ADAMTSL5: variants seen among roughly 807,000 people sequenced by gnomAD.
ADAMTSL5 encodes ADAMTS-like protein 5.
In ADAMTSL5, 53 loss-of-function variants were observed where a neutral mutation model predicts 51.7. The ratio of observed to expected loss-of-function variants is 1.03; its 90% confidence interval spans 0.82 to 1.29. ADAMTSL5 has a LOEUF of 1.29. ADAMTSL5 is among the 50% of genes most tolerant of loss of function. ADAMTSL5 has a pLI of 0.00. For synonymous variants in ADAMTSL5, 285 were observed against 278.7 expected, an observed-to-expected ratio of 1.02 and a Z score of -0.23; for missense variants, 770 against 676.2, an observed-to-expected ratio of 1.14 and a Z score of -1.54.
chr19:1,509,648 GGAA>G (rs1265183388), intron 5 of ADAMTSL5, among the ~76,000 whole-genome samples: 3 of 86,918 alleles, frequency 3.5e-5, no homozygotes, highest in African/African-American at 7.8e-5. Context: ...GAGGGAGGGA[GGAA>G]GGAAGGGAAG....
In ADAMTSL5 at chr19:1,507,980, G is replaced by A; in HGVS notation, c.601+18C>T. On this transcript the variant is annotated intron_variant, in intron 7 of 11. Transcript: ENST00000330475. The stretch of plus-strand genomic sequence containing the variant: ...CCCACTCTGACGTGTGTGCAGGGAG[G>A]GCGGGGCAGGTAGTCACCGGCGTCA... 1 of 1,573,680 alleles carries A rather than the reference G, an allele frequency of 6.4e-7. No homozygotes were observed. Among genetic ancestry groups the A allele is most frequent in the Non-Finnish European group, 8.6e-7 (1 of 1,159,620 alleles).
Position 1,511,847 on chromosome 19 carries a change from G to C in ADAMTSL5, c.-217-687C>G, listed in dbSNP as rs180760643. 2,463 of 323,994 alleles carry C rather than the reference G, an allele frequency of 7.6e-3. 138 individuals carry two copies. In the Admixed American group the frequency reaches 0.09, roughly 12 times the overall value. The allele number at this position is 323,994 out of a possible 1,614,324, so 20.1% of individuals were successfully genotyped here. On this transcript the variant is annotated intron_variant, in intron 1 of 11. Transcript: ENST00000330475. The stretch of plus-strand genomic sequence containing the variant: ...CAGACAGCAGGGAGTCCCCCGGATT[G>C]GGGATGGGACAGGGAGGGGGTGACC...
intron 7 of ADAMTSL5, 113 bp downstream of exon 7, chr19:1,507,885 A>T (rs570611962): frequency 2.4e-6 from 3 of 1,235,022 alleles, no homozygotes; most frequent in Non-Finnish European, 3.4e-6. Context: ...GATGAGGAGA[A>T]AGGGGGGCTG....
intron 5 of ADAMTSL5, 136 bp from the exon 6 acceptor site, chr19:1,508,706 G>A (rs1395443620): frequency 1.6e-6 from 2 of 1,278,722 alleles, no homozygotes; most frequent in African/African-American, 3.1e-5. Flanking sequence ...TCGAGGCTGA[G>A]GCAGAGCCAG....
chr19:1,506,465 G>A lies in ADAMTSL5; in HGVS notation c.1114+125C>T. On this transcript the variant is annotated intron_variant, in intron 11 of 11. Coordinates refer to ENST00000330475, the MANE Select transcript of ADAMTSL5 (RefSeq NM_213604.3). The surrounding 1 kb of genome is among the most constrained non-coding windows in gnomAD (Gnocchi z 5.6). The stretch of plus-strand genomic sequence containing the variant: ...AGGATCACGTCAGGGATCAATGAGG[G>A]ATTAGGGTCAAGAGGCAAATTAGGA... 6.9e-7 allele frequency: 1 copy of A among 1,456,282 alleles called. No individual in the cohort carries two copies. Among genetic ancestry groups the A allele is most frequent in the Non-Finnish European group, 9.4e-7 (1 of 1,060,080 alleles). The allele number at this position is 1,456,282 out of a possible 1,614,324, so 90.2% of individuals were successfully genotyped here.
chr19:1,508,184 A>C, intron 6 of ADAMTSL5, 75 bp from the exon 7 acceptor site: 1 of 1,464,006 alleles, frequency 6.8e-7, no homozygotes, highest in African/African-American at 1.4e-5. Context: ...AGTGCCTGGG[A>C]GCAAGAGGAC....
rs1913194752 is a variant in ADAMTSL5, at chr19:1,510,368, T to C, written c.252A>G (p.Pro84=). The C allele has an allele frequency of 6.2e-7, 1 of 1,613,650 alleles. No homozygotes were observed. Among genetic ancestry groups the C allele is most frequent in the East Asian group, 2.2e-5 (1 of 44,888 alleles). The part of the protein sequence containing the change: ...DSHEYRLCQL[P]DCPPGAVPFR... ...GGTCTGGGAGGTGGGCAGGGCTTAC[T>C]GGCAACTGGCAGAGGCGGTACTCAT... The change falls in exon 4 of 12, where the codon CCA becomes CCG. Residue 84 remains proline, a splice_region_variant and synonymous_variant. Coordinates refer to ENST00000330475, the MANE Select transcript of ADAMTSL5 (RefSeq NM_213604.3).
At position 1,506,240 on chromosome 19, in the gene ADAMTSL5, G is replaced by A. The variant is rs1300847587; in HGVS notation, c.1191C>T (p.Tyr397=). ...TRYEVRIQLV[Y]KNRSPLRARE... ...GTGCCCGCAGTGGCGAGCGGTTCTT[G>A]TAGACGAGCTGGATGCGCACCTCAT... Residue 397 remains tyrosine, a synonymous_variant, in exon 12 of 12, where the codon TAC becomes TAT. Transcript: ENST00000330475. The surrounding 1 kb of genome is among the most constrained non-coding windows in gnomAD (Gnocchi z 5.6). 1 of 1,588,776 alleles carries A rather than the reference G, an allele frequency of 6.3e-7. No individual in the cohort carries two copies. Among genetic ancestry groups the A allele is most frequent in the Admixed American group, 1.7e-5 (1 of 57,840 alleles).
Position 1,506,989 on chromosome 19 carries a change from G to A in ADAMTSL5, c.853-61C>T. 2 of 1,469,430 alleles carry A rather than the reference G, an allele frequency of 1.4e-6. No individual in the cohort carries two copies. Among genetic ancestry groups the A allele is most frequent in the Non-Finnish European group, 1.8e-6 (2 of 1,093,400 alleles). 91.0% of individuals were successfully genotyped at this position (1,469,430 alleles called of 1,614,324 possible). On this transcript the variant is annotated intron_variant, in intron 9 of 11. Transcript: ENST00000330475. The surrounding 1 kb of genome is among the most constrained non-coding windows in gnomAD (Gnocchi z 5.6). ...GAGGCTGGGGTTGCCTCCTGCCTCT[G>A]ACCCTACGACCCCAGCCTCCCCACT...
intron 3 of ADAMTSL5, 73 bp downstream of exon 3, chr19:1,510,566 C>A (rs1318726538): frequency 2.7e-6 from 4 of 1,471,864 alleles, no homozygotes; most frequent in African/African-American, 1.4e-5. Context: ...GTGGGCAGGC[C>A]GAGGGTGCGG....
chr19:1,507,904 A>G (rs1267920676), intron 7 of ADAMTSL5, 94 bp downstream of exon 7: 4 of 1,342,486 alleles, frequency 3.0e-6, no homozygotes, highest in Non-Finnish European at 4.1e-6. Context: ...TGGGCCGCAC[A>G]CTGGCCAATC....
intron 6 of ADAMTSL5, 101 bp from the exon 7 acceptor site, chr19:1,508,210 G>C: frequency 7.4e-7 from 1 of 1,347,780 alleles, no homozygotes; most frequent in Non-Finnish European, 1.0e-6. Flanking sequence ...CTGGAGGGAA[G>C]ATGGGGGTGG....
At chr19:1,507,954 G>C (rs987311370) in intron 7 of ADAMTSL5, 44 bp downstream of exon 7, 2 of 1,536,886 alleles carry the variant, frequency 1.3e-6, no homozygotes, top group Admixed American at 2.0e-5. Context: ...TCGTTAAAGG[G>C]CCCACTCTGA....
rs1568242505 is a variant in ADAMTSL5, at chr19:1,508,080, C to T, written c.519G>A (p.Ser173=). 3 of 1,610,458 alleles carry T rather than the reference C, an allele frequency of 1.9e-6. No homozygotes were observed. The highest frequency in any genetic ancestry group is 1.3e-5 in the African/African-American group (1 of 74,920). ...GGCCACAGCGGTCCTCGAGGGCACC[C>T]GAGCCCAACAACCCATCACAGCCGG... ...LSAGCDGLLG[S]GALEDRCGRC... Residue 173 remains serine, a synonymous_variant, in exon 7 of 12, where the codon TCG becomes TCA. Coordinates refer to ENST00000330475, the MANE Select transcript of ADAMTSL5 (RefSeq NM_213604.3).
intron 6 of ADAMTSL5, 99 bp downstream of exon 6, chr19:1,508,344 G>T (rs1913072438): frequency 2.2e-6 from 3 of 1,370,470 alleles, no homozygotes; most frequent in Non-Finnish European, 2.9e-6. Context: ...CTAGGGAGGG[G>T]GTGGAGGCTA....
At chr19:1,509,254 C>CAAAAAAAAA in intron 5 of ADAMTSL5, among the ~76,000 whole-genome samples, 1 of 49,546 alleles carries the variant, frequency 2.0e-5, no homozygotes, top group Non-Finnish European at 3.3e-5. Flanking sequence ...GACTCCATCT[C>CAAAAAAAAA]AAAAAAAAAA....
intron 2 of ADAMTSL5, 54 bp from the exon 3 acceptor site, chr19:1,510,784 C>G (rs1422769171): frequency 6.6e-7 from 1 of 1,524,518 alleles, no homozygotes; most frequent in Non-Finnish European, 8.8e-7. Flanking sequence ...CTGGTGACCC[C>G]ACACTGCTGA....
intron 5 of ADAMTSL5, among the ~76,000 whole-genome samples, chr19:1,509,254 C>CAAAAA (rs753778097): frequency 1.2e-3 from 59 of 49,452 alleles, no homozygotes; most frequent in East Asian, 3.2e-3. Flanking sequence ...GACTCCATCT[C>CAAAAA]AAAAAAAAAA....
chr19:1,506,895 A>C lies in ADAMTSL5; in HGVS notation c.886T>G (p.Phe296Val), dbSNP rs1402651970. The change falls in exon 10 of 12, where the codon TTT becomes GTT. Residue 296 changes from phenylalanine (F) to valine (V), a missense_variant. By Grantham distance (50) the Phe-to-Val change is conservative. Coordinates refer to ENST00000330475, the MANE Select transcript of ADAMTSL5 (RefSeq NM_213604.3). The surrounding 1 kb of genome is among the most constrained non-coding windows in gnomAD (Gnocchi z 5.6). ...CGCTCCCGAGGGAGCCAGAACTCAA[A>C]CTCGATGCCAGGGTTGGGCTCCTGC... ...LLQEPNPGIE[F>V]EFWLPRERYS... 1 of 1,548,756 alleles carries C rather than the reference A, an allele frequency of 6.5e-7. No homozygotes were observed. The highest frequency in any genetic ancestry group is 1.2e-5 in the South Asian group (1 of 83,926).
Sources: gnomAD v4.1 joint callset for allele counts (sites outside exome capture counted in the v4.1 genomes callset) on GRCh38, gnomAD v4.1.1 for gene constraint, Gnocchi (gnomAD v3.1) non-coding constraint, MANE v1.5 for transcripts, NCBI Gene and HGNC (gene_info 2026-07-23, HGNC 2026-07-21) for gene names.